ATP8B1: variants seen among roughly 807,000 people sequenced by gnomAD.
The protein encoded by ATP8B1 is phospholipid-transporting ATPase IC.
A neutral mutation model predicts 149.9 loss-of-function variants in ATP8B1; 80 were observed. The observed-to-expected ratio is 0.53, with a 90% CI of 0.45 to 0.64. ATP8B1 has a LOEUF of 0.64. ATP8B1 is among the 30% of genes least tolerant of loss of function. ATP8B1 has a pLI of 0.00. For synonymous variants in ATP8B1, 536 were observed against 562.8 expected, an observed-to-expected ratio of 0.95 and a Z score of 0.67; for missense variants, 1,247 against 1,552.6, an observed-to-expected ratio of 0.80 and a Z score of 3.31.
chr18:57,776,609 A>G (rs946417966), intron 1 of ATP8B1, among the ~76,000 whole-genome samples: 4 of 151,946 alleles, frequency 2.6e-5, no homozygotes, highest in Non-Finnish European at 2.9e-5. Flanking sequence ...TTTCCTCCTC[A>G]TATCTGTTCT....
At chr18:57,680,046 CG>C (rs1254412931) in intron 15 of ATP8B1, among the ~76,000 whole-genome samples, 1 of 149,964 alleles carries the variant, frequency 6.7e-6, no homozygotes, top group Non-Finnish European at 1.5e-5. Context: ...GAGGCTGAGG[CG>C]GGTGGATCAC....
intron 1 of ATP8B1, among the ~76,000 whole-genome samples, chr18:57,748,029 G>A (rs566357725): frequency 2.6e-5 from 4 of 152,292 alleles, no homozygotes; most frequent in South Asian, 2.1e-4. Flanking sequence ...GGCTTTCAGA[G>A]TTTGAACAGG....
chr18:57,731,645 G>C lies in ATP8B1; in HGVS notation c.163C>G (p.Arg55Gly). 1 of 1,613,954 alleles carries C rather than the reference G, an allele frequency of 6.2e-7. No homozygotes were observed. The highest frequency in any genetic ancestry group is 2.2e-5 in the East Asian group (1 of 44,870). The change falls in exon 2 of 28, where the codon CGG becomes GGG. Residue 55 changes from arginine (R) to glycine (G), a missense_variant. Around this residue, in one of 3 missense-constraint regions of ATP8B1, gnomAD observed 853 missense variants for 1,035.7 expected, o/e 0.82. Transcript: ENST00000648908. ...TGGTTACCTTTTCTGAATGGCTCCC[G>C]GTTCTCCTCTGCTTCCCTGTTGACT... ...NRVNREAEEN[R>G]EPFRKECTWQ...
intron 1 of ATP8B1, among the ~76,000 whole-genome samples, chr18:57,746,433 A>G (rs2079963810): frequency 6.8e-6 from 1 of 146,820 alleles, no homozygotes; most frequent in African/African-American, 2.5e-5. Flanking sequence ...GAAAAGTTGG[A>G]TCAGGCCATT....
intron 1 of ATP8B1, among the ~76,000 whole-genome samples, chr18:57,735,967 G>T (rs2079848656): frequency 6.0e-5 from 8 of 134,448 alleles, no homozygotes; most frequent in African/African-American, 1.2e-4. Context: ...CCCATTCCTT[G>T]CCCCCCCCAC....
chr18:57,685,211 C>T (rs1321664853), intron 13 of ATP8B1, 96 bp from the exon 14 acceptor site: 23 of 1,323,580 alleles, frequency 1.7e-5, no homozygotes, highest in Non-Finnish European at 2.5e-5. Context: ...GTGGTAAGAC[C>T]ATATACGGCC....
Position 57,723,165 on chromosome 18 carries a change from A to G in ATP8B1, c.181+8462T>C, listed in dbSNP as rs2079666077. 1.6e-4 allele frequency among the ~76,000 whole-genome samples: 24 copies of G among 149,646 alleles called. 1 individual carries two copies. Among genetic ancestry groups the G allele is most frequent in the Admixed American group, 1.6e-3 (24 of 15,118 alleles). ...TCATACTGAATGGGGAAAAACTGGAAGCATTCCCTTTGAAAACTGGCACAA... is the reference window on the plus strand; with the variant it reads ...TCATACTGAATGGGGAAAAACTGGAGGCATTCCCTTTGAAAACTGGCACAA... On this transcript the variant is annotated intron_variant, in intron 2 of 27. Coordinates refer to ENST00000648908, the MANE Select transcript of ATP8B1 (RefSeq NM_001374385.1).
intron 6 of ATP8B1, 143 bp from the exon 7 acceptor site, chr18:57,698,010 CAT>C: frequency 4.1e-6 from 3 of 728,102 alleles, no homozygotes; most frequent in Non-Finnish European, 7.2e-6. Context: ...TGGATGTAAA[CAT>C]ATTAAAGGGG....
In ATP8B1 at chr18:57,672,913, T is replaced by C. The variant is rs1162528514; in HGVS notation, c.1820-1333A>G. ...ATATATATATATATATATATATATA[T>C]ATATATATATATATATATAACATGT... On this transcript the variant is annotated intron_variant, in intron 16 of 27. Transcript: ENST00000648908. Among the ~76,000 whole-genome samples, 189 of 73,478 alleles carry C rather than the reference T, an allele frequency of 2.6e-3. 8 individuals are homozygous for C. The highest frequency in any genetic ancestry group is 0.021 in the East Asian group (38 of 1,768). 48.2% of individuals were successfully genotyped at this position (73,478 alleles called of 152,430 possible).
At chr18:57,676,403 C>G (rs1310419786) in intron 15 of ATP8B1, among the ~76,000 whole-genome samples, 2 of 149,192 alleles carry the variant, frequency 1.3e-5, no homozygotes, top group Non-Finnish European at 3.0e-5. Context: ...GCTATATTCT[C>G]CTTATTAAAA....
chr18:57,648,882 G>GTGTGTGTGTGTGTATGTGTA (rs61181992), intron 27 of ATP8B1, among the ~76,000 whole-genome samples, 170 bp from the exon 28 acceptor site: 39 of 134,742 alleles, frequency 2.9e-4, no homozygotes, highest in African/African-American at 1.0e-3. Flanking sequence ...GTGTGTGTGT[G>GTGTGTGTGTGTGTATGTGTA]TGTGTATGTG....
At chr18:57,724,473 T>A (rs953631752) in intron 2 of ATP8B1, among the ~76,000 whole-genome samples, 1 of 151,934 alleles carries the variant, frequency 6.6e-6, no homozygotes, top group African/African-American at 2.4e-5. Flanking sequence ...AAGAAGACAT[T>A]TATGCAGCCA....
At chr18:57,795,758 A>G (rs2437037) in intron 1 of ATP8B1, among the ~76,000 whole-genome samples, 24,647 of 152,148 alleles carry the variant, frequency 0.16, 2,742 homozygotes, top group East Asian at 0.44. Context: ...TTGAGATGAT[A>G]AAAAGTTCTG....
chr18:57,683,337 CTTTCTATAA>C (rs1912075201), intron 15 of ATP8B1, among the ~76,000 whole-genome samples: 1 of 152,166 alleles, frequency 6.6e-6, no homozygotes, highest in Non-Finnish European at 1.5e-5. Context: ...TCCTTTTGCT[CTTTCTATAA>C]AGTGCATGTG....
intron 1 of ATP8B1, among the ~76,000 whole-genome samples, chr18:57,787,337 C>T (rs994310441): frequency 2.0e-5 from 3 of 152,186 alleles, no homozygotes; most frequent in Non-Finnish European, 2.9e-5. Flanking sequence ...AACATAAATT[C>T]GTCTGATAAA....
At position 57,803,270 on chromosome 18, in the gene ATP8B1, C is replaced by T. The variant is rs1430823145; in HGVS notation, c.-298G>A. 6.6e-6 allele frequency among the ~76,000 whole-genome samples: 1 copy of T among 152,218 alleles called. No homozygotes were observed. Among genetic ancestry groups the T allele is most frequent in the Non-Finnish European group, 1.5e-5 (1 of 68,032 alleles). Reference sequence around the variant, plus strand: ...CTGCAGCCGCCCTTTTGCCTCCGCTCCGCCGGACCGGCCAAACTGGTTTCT... The same window carrying T: ...CTGCAGCCGCCCTTTTGCCTCCGCTTCGCCGGACCGGCCAAACTGGTTTCT... On this transcript the variant is annotated 5_prime_UTR_variant, in exon 1 of 28. Transcript: ENST00000648908.
chr18:57,744,957 TAAGTA>T (rs1187292174), intron 1 of ATP8B1, among the ~76,000 whole-genome samples: 1 of 152,204 alleles, frequency 6.6e-6, no homozygotes, highest in Non-Finnish European at 1.5e-5. Flanking sequence ...AAGAGGCAGA[TAAGTA>T]AATAGAAATA....
intron 1 of ATP8B1, among the ~76,000 whole-genome samples, chr18:57,792,303 ATT>A (rs33945392): frequency 6.6e-4 from 98 of 148,048 alleles, no homozygotes; most frequent in African/African-American, 2.3e-3. Context: ...AATTTTATTA[ATT>A]TTTTTTTTTT....
rs146517684 is a variant in ATP8B1 at position 57,772,486 on chromosome 18, GGAA to G, written c.-26+30509_-26+30511del. Among the ~76,000 whole-genome samples the G allele has an allele frequency of 2.5e-3, 386 of 152,298 alleles. 1 individual carries two copies. Among genetic ancestry groups the G allele is most frequent in the African/African-American group, 8.4e-3 (350 of 41,562 alleles). On this transcript the variant is annotated intron_variant, in intron 1 of 27. Transcript: ENST00000648908. ...TACTAAAGTGCGGGTAGACAGGGGA[GGAA>G]GAAGAAGAGAGTTGGAAGAGGAGAC...
Sources: gnomAD v4.1 joint callset for allele counts (sites outside exome capture counted in the v4.1 genomes callset) on GRCh38, gnomAD v4.1.1 for gene constraint, gnomAD v4.1.1 regional missense constraint, MANE v1.5 for transcripts, NCBI Gene and HGNC (gene_info 2026-07-23, HGNC 2026-07-21) for gene names.